Variants in MAPKAPK3 observed in about 807,000 individuals in gnomAD.
MAPKAPK3 encodes the protein MAPK activated protein kinase 3.
In MAPKAPK3, 35 loss-of-function variants were observed where a neutral mutation model predicts 49.2. The observed-to-expected ratio is 0.71, with a 90% CI of 0.54 to 0.94. The LOEUF (loss-of-function observed/expected upper bound fraction) is 0.94. MAPKAPK3 is among the 40% of genes least tolerant of loss of function. The pLI is 0.00. For synonymous variants in MAPKAPK3, 178 were observed against 188.7 expected (o/e 0.94, Z 0.46); for missense variants, 398 against 493.1 (o/e 0.81, Z 1.83).
chr3:50,624,565 G>A (rs2032688261), intron 2 of MAPKAPK3, among the ~76,000 whole-genome samples: 1 of 152,158 alleles, frequency 6.6e-6, no homozygotes, highest in African/African-American at 2.4e-5. Context: ...CACTTGGGCT[G>A]TTGTTCAGAC....
In MAPKAPK3 at chr3:50,617,677, G is replaced by C. The variant is rs1391053347; in HGVS notation, c.112G>C (p.Ala38Pro). Residue 38 changes from alanine (A) to proline (P), a missense_variant, in exon 2 of 11, where the codon GCA (alanine) becomes CCA (proline). Ala to Pro is a conservative substitution (Grantham distance 27). Around this residue, in one of 5 missense-constraint regions of MAPKAPK3, gnomAD observed 123 missense variants for 117.7 expected, o/e 1.04. Transcript: ENST00000621469. ...GGGGCGGCGGGAGCCCAAGAAGTAC[G>C]CAGTGACCGACGACTACCAGTTGTC... is the stretch of plus-strand genomic sequence containing the variant. Reference protein sequence around the residue: ...PGGRREPKKYAVTDDYQLSKQ... With the variant: ...PGGRREPKKYPVTDDYQLSKQ... The C allele has an allele frequency of 6.2e-7, 1 of 1,612,814 alleles. No homozygotes were observed. Among genetic ancestry groups the C allele is most frequent in the Non-Finnish European group, 8.5e-7 (1 of 1,179,508 alleles).
intron 2 of MAPKAPK3, among the ~76,000 whole-genome samples, chr3:50,633,191 T>C (rs2032954549): frequency 6.6e-6 from 1 of 152,040 alleles, no homozygotes; most frequent in Admixed American, 6.6e-5. Flanking sequence ...CCCCAATGTT[T>C]CTTGGGCACC....
intron 3 of MAPKAPK3, 121 bp downstream of exon 3, chr3:50,640,626 CCT>C: frequency 1.6e-6 from 2 of 1,265,784 alleles, no homozygotes; most frequent in African/African-American, 1.5e-5. Context: ...CACTGTAGCC[CCT>C]GAGGGGCAAT....
intron 2 of MAPKAPK3, among the ~76,000 whole-genome samples, chr3:50,621,779 G>C (rs2032616463): frequency 6.6e-6 from 1 of 152,064 alleles, no homozygotes; most frequent in Non-Finnish European, 1.5e-5. Flanking sequence ...CTCAAAAATT[G>C]AAAGAAAGAA....
chr3:50,617,114 GGGA>G (rs1195377458), upstream of MAPKAPK3: 1,334 of 107,230 alleles, frequency 0.012, 77 homozygotes, highest in South Asian at 0.043. Context: ...GGGGGGGGTG[GGGA>G]GGGGGGGGAG....
At chr3:50,634,923 A>G (rs1313737424) in intron 2 of MAPKAPK3, among the ~76,000 whole-genome samples, 1 of 152,110 alleles carries the variant, frequency 6.6e-6, no homozygotes, top group African/African-American at 2.4e-5. Context: ...CATGGGGGCA[A>G]TGATGTGGGA....
Position 50,648,308 on chromosome 3 carries a change from T to A in MAPKAPK3, c.*262T>A, listed in dbSNP as rs2033353916. 1 of 420,340 alleles carries A rather than the reference T, an allele frequency of 2.4e-6. No individual in the cohort carries two copies. The highest frequency in any genetic ancestry group is 4.3e-6 in the Non-Finnish European group (1 of 233,520). The allele number at this position is 420,340 out of a possible 1,614,324, so 26.0% of individuals were successfully genotyped here. A position where few individuals can be genotyped will look rare whatever the true frequency, so the allele number is the denominator to read the frequency against. ...TGCCATAGCAGCACCTTTAGCTAGG[T>A]TGGCCCGAGTGAGGCCTCTGTGCTG... On this transcript the variant is annotated 3_prime_UTR_variant, in exon 11 of 11. Coordinates refer to ENST00000621469, the MANE Select transcript of MAPKAPK3 (RefSeq NM_001243925.2).
chr3:50,644,277 G>A (rs183116508), intron 5 of MAPKAPK3, 132 bp from the exon 6 acceptor site: 14 of 1,045,286 alleles, frequency 1.3e-5, no homozygotes, highest in African/African-American at 4.8e-5. Flanking sequence ...GGCAAGGCCC[G>A]GGTCTTTTTA....
intron 2 of MAPKAPK3, among the ~76,000 whole-genome samples, chr3:50,631,373 G>A (rs1490374067): frequency 6.6e-6 from 1 of 152,250 alleles, no homozygotes; most frequent in African/African-American, 2.4e-5. Context: ...TTATAAGGAA[G>A]ATGCTGAAGC....
intron 5 of MAPKAPK3, among the ~76,000 whole-genome samples, chr3:50,642,682 A>G (rs1255306360): frequency 6.6e-6 from 1 of 152,254 alleles, no homozygotes; most frequent in Admixed American, 6.5e-5. Flanking sequence ...AGATGAGGAA[A>G]ACAAGGCTCA....
In MAPKAPK3 at chr3:50,646,249, G is replaced by A. The variant is rs750304055; in HGVS notation, c.814G>A (p.Glu272Lys). The A allele has an allele frequency of 4.5e-5, 72 of 1,614,040 alleles. No homozygotes were observed. The Middle Eastern group carries it at 8.2e-4, about 18-fold the overall frequency. Residue 272 changes from glutamate (E) to lysine (K), a missense_variant, in exon 8 of 11, where the codon GAA becomes AAA. Glu to Lys is a moderately conservative substitution (Grantham distance 56). Transcript: ENST00000621469. ...CGGCTTCCCCAATCCTGAGTGGTCA[G>A]AAGTCTCTGAGGATGGTGAGTGAAC... ...QYGFPNPEWS[E>K]VSEDAKQLIR... is the part of the protein sequence containing the mutation.
chr3:50,612,765 T>G, upstream of MAPKAPK3: 1 of 151,536 alleles, frequency 6.6e-6, no homozygotes, highest in East Asian at 2.0e-4. Context: ...ACTCAAAACA[T>G]AGGGAGATAA....
chr3:50,640,297 A>T (rs2033145367), intron 2 of MAPKAPK3, 69 bp from the exon 3 acceptor site: 1 of 1,518,148 alleles, frequency 6.6e-7, no homozygotes, highest in Non-Finnish European at 9.0e-7. Context: ...CAGAGCTTAT[A>T]TGTTTTTGTC....
At chr3:50,636,639 AC>A (rs1357021577) in intron 2 of MAPKAPK3, among the ~76,000 whole-genome samples, 1 of 152,232 alleles carries the variant, frequency 6.6e-6, no homozygotes, top group Non-Finnish European at 1.5e-5. Flanking sequence ...ACCTCAATAA[AC>A]AAAGCATATA....
chr3:50,617,927 T>C, intron 2 of MAPKAPK3, 143 bp downstream of exon 2: 1 of 648,050 alleles, frequency 1.5e-6, no homozygotes, highest in East Asian at 2.8e-5. Context: ...AAGGTCAGGC[T>C]TGTGGTCCTC....
chr3:50,634,344 A>G (rs2032980854), intron 2 of MAPKAPK3, among the ~76,000 whole-genome samples: 1 of 152,046 alleles, frequency 6.6e-6, no homozygotes, highest in Admixed American at 6.6e-5. Flanking sequence ...CCTATTGGGC[A>G]CTAGCTGGAG....
chr3:50,634,233 G>T (rs1443059497), intron 2 of MAPKAPK3, among the ~76,000 whole-genome samples: 1 of 152,194 alleles, frequency 6.6e-6, no homozygotes, highest in African/African-American at 2.4e-5. Flanking sequence ...TCAGGTGCAT[G>T]GCCAGGAATC....
At chr3:50,644,096 C>G (rs1365164728) in intron 5 of MAPKAPK3, among the ~76,000 whole-genome samples, 3 of 152,188 alleles carry the variant, frequency 2.0e-5, no homozygotes, top group Admixed American at 6.5e-5. Context: ...CCCCCAGCAC[C>G]CTTGCTCTAG....
At chr3:50,619,131 T>C (rs2032546822) in intron 2 of MAPKAPK3, among the ~76,000 whole-genome samples, 1 of 152,200 alleles carries the variant, frequency 6.6e-6, no homozygotes. Context: ...TGGGGAAAGA[T>C]AAGGAGTTGT....
Sources: allele counts gnomAD v4.1 joint callset (sites outside exome capture counted in the v4.1 genomes callset), GRCh38; gene constraint gnomAD v4.1.1; regional missense constraint gnomAD v4.1.1; transcripts MANE v1.5; gene names NCBI Gene and HGNC (gene_info 2026-07-23, HGNC 2026-07-21).